ZFAT: variants seen among roughly 807,000 people sequenced by gnomAD.
ZFAT encodes the protein zinc finger and AT-hook domain containing, also known as zinc finger protein ZFAT.
In ZFAT, 64 loss-of-function variants were observed where a neutral mutation model predicts 117.7. The observed-to-expected ratio is 0.54, with a 90% CI of 0.44 to 0.67. The LOEUF is 0.67. Ranked by LOEUF, ZFAT falls within the 30% of genes least tolerant of loss-of-function variation. The pLI is 0.00. For synonymous variants in ZFAT, 679 were observed against 615.0 expected, an observed-to-expected ratio of 1.10 and a Z score of -1.54; for missense variants, 1,433 against 1,584.5, an observed-to-expected ratio of 0.90 and a Z score of 1.62.
the ZFAT span, chr8:134,796,727 T>C: frequency 6.6e-6 from 1 of 152,198 alleles, no homozygotes; most frequent in Admixed American, 6.5e-5. Context: ...TTGGACATTC[T>C]TGACAACTGC....
At chr8:134,571,258 G>A (rs1339249491) in intron 10 of ZFAT, among the ~76,000 whole-genome samples, 1 of 152,202 alleles carries the variant, frequency 6.6e-6, no homozygotes, top group African/African-American at 2.4e-5. Flanking sequence ...AAGAGGTGTG[G>A]CCATGTGGCC....
chr8:134,661,004 G>T (rs539381446), intron 1 of ZFAT, among the ~76,000 whole-genome samples: 1 of 152,236 alleles, frequency 6.6e-6, no homozygotes, highest in Non-Finnish European at 1.5e-5. Context: ...TGGAGCTCCC[G>T]AGGTGGAGGC....
At chr8:134,758,753 G>T in the ZFAT span, among the ~76,000 whole-genome samples, 1 of 152,220 alleles carries the variant, frequency 6.6e-6, no homozygotes, top group African/African-American at 2.4e-5. Context: ...ACCCTTTGTT[G>T]CATGGGAGTG....
chr8:134,715,957 G>A (rs926633318), upstream of ZFAT, among the ~76,000 whole-genome samples: 4 of 151,910 alleles, frequency 2.6e-5, no homozygotes, highest in African/African-American at 4.8e-5. Flanking sequence ...ATACATACAG[G>A]CGACCTCAAA....
At chr8:134,682,666 A>AAATT (rs1833126875) in intron 1 of ZFAT, among the ~76,000 whole-genome samples, 1 of 152,136 alleles carries the variant, frequency 6.6e-6, no homozygotes, top group African/African-American at 2.4e-5. Flanking sequence ...AAAATAAAAT[A>AAATT]AAATTAAATT....
chr8:134,663,801 T>C (rs1233261276), intron 1 of ZFAT, among the ~76,000 whole-genome samples: 1 of 152,034 alleles, frequency 6.6e-6, no homozygotes, highest in East Asian at 1.9e-4. Context: ...CATTTAAAAA[T>C]CGGAAACACT....
the ZFAT span, among the ~76,000 whole-genome samples, chr8:134,790,263 C>CTCT: frequency 6.6e-6 from 1 of 152,156 alleles, no homozygotes; most frequent in Non-Finnish European, 1.5e-5. Context: ...CCCTAAAAGG[C>CTCT]TCTTGTCCAG....
At chr8:134,700,060 G>A (rs1349943035) in intron 1 of ZFAT, among the ~76,000 whole-genome samples, 4 of 152,218 alleles carry the variant, frequency 2.6e-5, no homozygotes, top group Non-Finnish European at 4.4e-5. Context: ...TGAGTTCAAC[G>A]TGGGCTTGCT....
chr8:134,497,964 G>T (rs534504581), intron 15 of ZFAT, among the ~76,000 whole-genome samples: 2 of 146,090 alleles, frequency 1.4e-5, no homozygotes, highest in African/African-American at 5.1e-5. Context: ...ATTTGGTAGG[G>T]TTGGGGTGGA....
Position 134,608,735 on chromosome 8 carries a change from G to T in ZFAT, c.779C>A (p.Ser260Ter). The T allele has an allele frequency of 6.2e-7, 1 of 1,610,054 alleles. No individual in the cohort carries two copies. The highest frequency in any genetic ancestry group is 1.1e-5 in the South Asian group (1 of 89,976). Residue 260 changes from serine (S) to a stop codon, truncating the protein, a stop_gained, in exon 5 of 16, where the codon TCA becomes TAA. Transcript: ENST00000377838. LOFTEE classifies it high-confidence loss of function. ...QQTPYEQPMK[S>*]SRLGPTQLKI... is the part of the protein sequence containing the mutation. ...ACAGAACAAAACACTTTACCTGCTTGACTTCATTGGTTGCTCATAAGGTGT... is the reference window on the plus strand; with the variant it reads ...ACAGAACAAAACACTTTACCTGCTTTACTTCATTGGTTGCTCATAAGGTGT...
chr8:134,550,310 G>GAAAAACAAAAAAAAAAAAAA (rs1823038288), intron 11 of ZFAT, among the ~76,000 whole-genome samples: 1 of 72,534 alleles, frequency 1.4e-5, no homozygotes, highest in Non-Finnish European at 2.6e-5. Flanking sequence ...GGTCACAACG[G>GAAAAACAAAAAAAAAAAAAA]AAAAAAAAAA....
chr8:134,748,972 T>C, the ZFAT span, among the ~76,000 whole-genome samples: 1 of 152,152 alleles, frequency 6.6e-6, no homozygotes, highest in African/African-American at 2.4e-5. Flanking sequence ...TTTTAACCTA[T>C]TTCTTGTTTA....
chr8:134,643,847 A>C lies in ZFAT; in HGVS notation c.197-6135T>G, dbSNP rs571937722. 2.0e-5 allele frequency among the ~76,000 whole-genome samples: 3 copies of C among 152,336 alleles called. No individual in the cohort carries two copies. The South Asian group carries it at 6.2e-4, about 32-fold the overall frequency. The stretch of plus-strand genomic sequence containing the variant: ...TGCCAGCCAAGGCTCCAGCAATCAC[A>C]TGAAAGCTCCAGGAATGGAGCCTAA... On this transcript the variant is annotated intron_variant, in intron 2 of 15. Coordinates refer to ENST00000377838, the MANE Select transcript of ZFAT (RefSeq NM_020863.4).
chr8:134,637,717 A>G lies in ZFAT; in HGVS notation c.197-5T>C. The G allele has an allele frequency of 1.2e-6, 2 of 1,611,268 alleles. No individual in the cohort carries two copies. Among genetic ancestry groups the G allele is most frequent in the Non-Finnish European group, 1.7e-6 (2 of 1,178,020 alleles). ...TCCTCTTCATGACCAAAAACTCTAC[A>G]GAGGAAACAAGAGGGCACAATGGAA... On this transcript the variant is annotated splice_region_variant and splice_polypyrimidine_tract_variant and intron_variant, in intron 2 of 15. Coordinates refer to ENST00000377838, the MANE Select transcript of ZFAT (RefSeq NM_020863.4).
At chr8:134,563,855 T>C (rs534470591) in intron 11 of ZFAT, among the ~76,000 whole-genome samples, 2 of 152,274 alleles carry the variant, frequency 1.3e-5, no homozygotes, top group African/African-American at 4.8e-5. Flanking sequence ...TCAGGGTGCC[T>C]TGACTGTTCT....
At chr8:134,664,818 T>C (rs1832127482) in intron 1 of ZFAT, among the ~76,000 whole-genome samples, 2 of 152,254 alleles carry the variant, frequency 1.3e-5, no homozygotes, top group African/African-American at 2.4e-5. Context: ...ATGCTATAAT[T>C]TGGATGCATT....
intron 1 of ZFAT, among the ~76,000 whole-genome samples, chr8:134,687,792 A>T (rs7839162): frequency 1.1e-3 from 169 of 152,144 alleles, no homozygotes; most frequent in Non-Finnish European, 2.2e-3. Flanking sequence ...CATTTTCTAG[A>T]GTACTGGGGA....
At chr8:134,581,718 G>A (rs902122014) in intron 10 of ZFAT, among the ~76,000 whole-genome samples, 1 of 152,152 alleles carries the variant, frequency 6.6e-6, no homozygotes, top group African/African-American at 2.4e-5. Flanking sequence ...CCAAGTAGCT[G>A]GGACCACAGG....
chr8:134,675,402 A>G (rs1832748139), intron 1 of ZFAT, among the ~76,000 whole-genome samples: 1 of 152,210 alleles, frequency 6.6e-6, no homozygotes, highest in Non-Finnish European at 1.5e-5. Context: ...ACAAGATTAG[A>G]GAAAAAAGGG....
Sources: allele counts gnomAD v4.1 joint callset (sites outside exome capture counted in the v4.1 genomes callset), GRCh38; gene constraint gnomAD v4.1.1; transcripts MANE v1.5; gene names NCBI Gene and HGNC (gene_info 2026-07-23, HGNC 2026-07-21).